Variants in GABBR2 observed in about 807,000 individuals in gnomAD.
GABBR2 encodes gamma-aminobutyric acid type B receptor subunit 2.
Under a neutral mutation model 105.6 loss-of-function variants are expected in GABBR2, and 23 were observed. The observed-to-expected ratio is 0.22, with a 90% CI of 0.16 to 0.31. The LOEUF (loss-of-function observed/expected upper bound fraction) is 0.31. Ranked by LOEUF, GABBR2 falls within the 10% of genes least tolerant of loss-of-function variation. The pLI is 1.00. For synonymous variants in GABBR2, 478 were observed against 499.7 expected (o/e 0.96, Z 0.58); for missense variants, 734 against 1,245.5 (o/e 0.59, Z 6.18).
chr9:98,295,506 A>G (rs1418087578), intron 17 of GABBR2, among the ~76,000 whole-genome samples: 1 of 151,522 alleles, frequency 6.6e-6, no homozygotes, highest in Non-Finnish European at 1.5e-5. Context: ...GTGCAATGCT[A>G]ATTAAACCAT....
intron 17 of GABBR2, among the ~76,000 whole-genome samples, chr9:98,297,444 C>G (rs1381622205): frequency 6.6e-6 from 1 of 151,322 alleles, no homozygotes; most frequent in East Asian, 2.0e-4. Flanking sequence ...AACCCCGTCT[C>G]TACTAAAAGT....
intron 2 of GABBR2, among the ~76,000 whole-genome samples, chr9:98,571,388 T>C (rs1828827438): frequency 6.6e-6 from 1 of 152,114 alleles, no homozygotes; most frequent in South Asian, 2.1e-4. Flanking sequence ...GCAGCATCAG[T>C]TGGAGTTTTT....
chr9:98,391,989 C>T (rs1180184056), intron 9 of GABBR2, among the ~76,000 whole-genome samples: 3 of 152,076 alleles, frequency 2.0e-5, no homozygotes, highest in Non-Finnish European at 4.4e-5. Context: ...GAGAGCTGAA[C>T]CCAGGCCAGG....
chr9:98,659,670 A>AC (rs879610324), intron 1 of GABBR2, among the ~76,000 whole-genome samples: 3 of 150,886 alleles, frequency 2.0e-5, no homozygotes, highest in Non-Finnish European at 4.4e-5. Context: ...ACAGGCACCC[A>AC]CCACCACGCC....
At chr9:98,329,196 C>A (rs540269199) in intron 13 of GABBR2, among the ~76,000 whole-genome samples, 20 of 152,320 alleles carry the variant, frequency 1.3e-4, no homozygotes, top group Admixed American at 5.9e-4. Context: ...CTCCTCAGGT[C>A]ATTTCTGCTG....
chr9:98,690,162 G>T (rs942319758), intron 1 of GABBR2, among the ~76,000 whole-genome samples: 17 of 141,278 alleles, frequency 1.2e-4, no homozygotes, highest in African/African-American at 5.2e-4. Flanking sequence ...CTTAACTTTG[G>T]TCAAGGACTT....
chr9:98,606,956 T>C (rs1031252087), intron 1 of GABBR2: 23 of 739,400 alleles, frequency 3.1e-5, no homozygotes, highest in Middle Eastern at 7.1e-4. Context: ...TGCCCGCGGC[T>C]CCGCCTGCAT....
At chr9:98,571,462 C>G (rs1828828306) in intron 2 of GABBR2, among the ~76,000 whole-genome samples, 1 of 152,180 alleles carries the variant, frequency 6.6e-6, no homozygotes, top group South Asian at 2.1e-4. Context: ...TAGAGAGCTC[C>G]TGGCCTGGCA....
intron 3 of GABBR2, among the ~76,000 whole-genome samples, chr9:98,520,410 A>G (rs10121587): frequency 0.092 from 13,951 of 152,146 alleles, 732 homozygotes; most frequent in African/African-American, 0.12. Context: ...TCTTTTCACC[A>G]CCCCCGGAAG....
chr9:98,337,927 C>A (rs552266221), intron 13 of GABBR2, among the ~76,000 whole-genome samples: 1 of 152,118 alleles, frequency 6.6e-6, no homozygotes, highest in African/African-American at 2.4e-5. Context: ...GAGGCTGAGG[C>A]AGGAGAATTG....
At chr9:98,337,173 T>C (rs924508132) in intron 13 of GABBR2, among the ~76,000 whole-genome samples, 6 of 151,954 alleles carry the variant, frequency 3.9e-5, no homozygotes, top group Non-Finnish European at 8.8e-5. Flanking sequence ...GGCATGGTGG[T>C]GGGTGCCTGT....
chr9:98,472,680 G>C (rs1826709292), intron 6 of GABBR2, among the ~76,000 whole-genome samples: 1 of 152,172 alleles, frequency 6.6e-6, no homozygotes, highest in Non-Finnish European at 1.5e-5. Flanking sequence ...CAGGTTCAAG[G>C]TCACACAGGT....
intron 7 of GABBR2, among the ~76,000 whole-genome samples, chr9:98,432,202 A>T (rs1825824830): frequency 6.6e-6 from 1 of 152,186 alleles, no homozygotes; most frequent in African/African-American, 2.4e-5. Context: ...GGCTCAAGGA[A>T]GGTTTTTAAT....
In GABBR2 at chr9:98,320,145, A is replaced by C. The variant is rs7469037; in HGVS notation, c.1894-8940T>G. 9.8e-3 allele frequency among the ~76,000 whole-genome samples: 1,494 copies of C among 151,694 alleles called. 14 individuals carry two copies. The highest frequency in any genetic ancestry group is 0.035 in the African/African-American group (1,424 of 41,268). ...CAAATTTACAAGAAAAAAACAAACAACCCCATCAAAAAGTGGGCGAAGGAC... is the reference window on the plus strand; with the variant it reads ...CAAATTTACAAGAAAAAAACAAACACCCCCATCAAAAAGTGGGCGAAGGAC... On this transcript the variant is annotated intron_variant, in intron 13 of 18. Transcript: ENST00000259455.
At chr9:98,429,055 C>T (rs192505505) in intron 7 of GABBR2, among the ~76,000 whole-genome samples, 3 of 152,142 alleles carry the variant, frequency 2.0e-5, no homozygotes, top group East Asian at 1.9e-4. Context: ...AGGTTCATTT[C>T]GCTTTATCAC....
intron 2 of GABBR2, among the ~76,000 whole-genome samples, chr9:98,576,825 C>G (rs141177919): frequency 1.3e-5 from 2 of 152,192 alleles, no homozygotes; most frequent in Non-Finnish European, 2.9e-5. Flanking sequence ...TAATGTGAAC[C>G]ATACCTATCC....
At chr9:98,647,832 C>T (rs990237152) in intron 1 of GABBR2, among the ~76,000 whole-genome samples, 1 of 152,148 alleles carries the variant, frequency 6.6e-6, no homozygotes, top group East Asian at 1.9e-4. Context: ...TTACCTCGAG[C>T]GCTGGCTCTG....
intron 1 of GABBR2, among the ~76,000 whole-genome samples, chr9:98,646,982 G>C (rs896076993): frequency 2.6e-5 from 4 of 152,172 alleles, no homozygotes; most frequent in Admixed American, 6.5e-5. Context: ...TTCCTATCCA[G>C]GGGTCCCCCA....
At position 98,593,198 on chromosome 9, in the gene GABBR2, GT is replaced by G. The variant is rs560585848; in HGVS notation, c.322-15127del. ...CAGTGGCATTAAGTGCACTCACCAT[GT>G]TGTGTAACCATCACCACTGTCTATT... is the stretch of plus-strand genomic sequence containing the variant. On this transcript the variant is annotated intron_variant, in intron 1 of 18. Transcript: ENST00000259455. 1.8e-4 allele frequency among the ~76,000 whole-genome samples: 27 copies of G among 152,258 alleles called. No individual in the cohort carries two copies. In the East Asian group the frequency reaches 4.6e-3, roughly 26 times the overall value.
Sources: gnomAD v4.1 joint callset for allele counts (sites outside exome capture counted in the v4.1 genomes callset) on GRCh38, gnomAD v4.1.1 for gene constraint, MANE v1.5 for transcripts, NCBI Gene and HGNC (gene_info 2026-07-23, HGNC 2026-07-21) for gene names.